The following FBXW4 variants were observed in gnomAD, a reference collection of about 807,000 sequenced individuals.
The protein encoded by FBXW4 is F-box/WD repeat-containing protein 4.
In FBXW4, 40 loss-of-function variants were observed where a neutral mutation model predicts 61.8. The observed-to-expected ratio is 0.65, with a 90% CI of 0.50 to 0.84. The LOEUF (loss-of-function observed/expected upper bound fraction) is 0.84. FBXW4 is among the 40% of genes least tolerant of loss of function. FBXW4 has a pLI of 0.00. For synonymous variants in FBXW4, 311 were observed against 313.8 expected (o/e 0.99, Z 0.10); for missense variants, 672 against 753.8 (o/e 0.89, Z 1.27).
intron 5 of FBXW4, among the ~76,000 whole-genome samples, chr10:101,654,656 T>C (rs2064171444): frequency 6.6e-6 from 1 of 152,216 alleles, no homozygotes; most frequent in Non-Finnish European, 1.5e-5. Flanking sequence ...AAATAAACTG[T>C]CATACTATTT....
intron 5 of FBXW4, among the ~76,000 whole-genome samples, chr10:101,645,466 G>A (rs565434326): frequency 5.9e-5 from 9 of 152,270 alleles, no homozygotes; most frequent in Admixed American, 1.3e-4. Context: ...CCCTCTCCCC[G>A]TCACCTTTTC....
intron 5 of FBXW4, among the ~76,000 whole-genome samples, chr10:101,638,966 T>A (rs1256359130): frequency 1.3e-5 from 2 of 152,186 alleles, no homozygotes; most frequent in African/African-American, 4.8e-5. Flanking sequence ...AGAAGTAGGA[T>A]CCATGACAAT....
chr10:101,671,439 A>G (rs941999373), intron 4 of FBXW4, among the ~76,000 whole-genome samples: 1 of 152,270 alleles, frequency 6.6e-6, no homozygotes, highest in African/African-American at 2.4e-5. Flanking sequence ...GTACTTAAAC[A>G]TGAAATTAAC....
intron 5 of FBXW4, among the ~76,000 whole-genome samples, chr10:101,640,928 T>G (rs1440853506): frequency 6.6e-6 from 1 of 151,962 alleles, no homozygotes; most frequent in Non-Finnish European, 1.5e-5. Context: ...CCTCCCAGGT[T>G]CAAGCAATTC....
At position 101,611,271 on chromosome 10, in the gene FBXW4, G is replaced by A. The variant is rs2063779257; in HGVS notation, c.*20C>T. ...GAGTAGCTGGTTTCCCTGGCCCAGA[G>A]GCAGGGGTGGCCCTGACGGTCATGG... On this transcript the variant is annotated 3_prime_UTR_variant, in exon 9 of 9. Coordinates refer to ENST00000331272, the MANE Select transcript of FBXW4 (RefSeq NM_022039.4). The surrounding 1 kb of genome is among the most constrained non-coding windows in gnomAD (Gnocchi z 4.9). 1 of 1,610,688 alleles carries A rather than the reference G, an allele frequency of 6.2e-7. No individual in the cohort carries two copies. Among genetic ancestry groups the A allele is most frequent in the African/African-American group, 1.3e-5 (1 of 74,886 alleles).
chr10:101,665,385 C>T (rs1295365137), intron 5 of FBXW4, among the ~76,000 whole-genome samples: 1 of 152,104 alleles, frequency 6.6e-6, no homozygotes, highest in African/African-American at 2.4e-5. Context: ...GGGAAGATGG[C>T]TTGAGCCCAG....
chr10:101,647,342 G>A (rs925925652), intron 5 of FBXW4, among the ~76,000 whole-genome samples: 3 of 152,192 alleles, frequency 2.0e-5, no homozygotes, highest in Non-Finnish European at 4.4e-5. Context: ...TACCACCTTA[G>A]AGAGATGAGG....
intron 5 of FBXW4, among the ~76,000 whole-genome samples, chr10:101,663,978 T>G (rs887505302): frequency 3.3e-5 from 5 of 152,238 alleles, no homozygotes; most frequent in South Asian, 4.1e-4. Context: ...AAAAGGTCCT[T>G]GCCTGCCACT....
chr10:101,666,456 A>C (rs2064301187), intron 5 of FBXW4, among the ~76,000 whole-genome samples: 2 of 152,156 alleles, frequency 1.3e-5, no homozygotes, highest in African/African-American at 4.8e-5. Context: ...GGAAGGGAGT[A>C]GGAGGAGGGG....
At chr10:101,651,851 G>A (rs551066516) in intron 5 of FBXW4, among the ~76,000 whole-genome samples, 53 of 152,138 alleles carry the variant, frequency 3.5e-4, no homozygotes, top group African/African-American at 1.3e-3. Flanking sequence ...AAATCGGCTG[G>A]CCCATTGTCT....
chr10:101,624,863 G>A (rs1043324677), intron 5 of FBXW4, 53 bp from the exon 6 acceptor site: 5 of 1,584,430 alleles, frequency 3.2e-6, no homozygotes, highest in African/African-American at 2.7e-5. Context: ...AACCTGTGGT[G>A]GAAATGGCTA....
At chr10:101,623,864 T>C (rs771730611) in intron 6 of FBXW4, among the ~76,000 whole-genome samples, 3 of 152,066 alleles carry the variant, frequency 2.0e-5, no homozygotes, top group Non-Finnish European at 2.9e-5. Context: ...TTATGTAACA[T>C]TTGCAAAATG....
At chr10:101,612,527 A>C in intron 6 of FBXW4, 50 bp from the exon 7 acceptor site, 1 of 1,461,406 alleles carries the variant, frequency 6.8e-7, no homozygotes, top group Non-Finnish European at 9.1e-7. Context: ...GGTCATACAC[A>C]TTCGTTCCAC....
At chr10:101,647,480 T>G (rs2064110665) in intron 5 of FBXW4, among the ~76,000 whole-genome samples, 1 of 152,196 alleles carries the variant, frequency 6.6e-6, no homozygotes, top group Non-Finnish European at 1.5e-5. Context: ...ACCTCAAGTG[T>G]AGTTCCACCC....
At chr10:101,667,230 CAAAA>C in intron 5 of FBXW4, among the ~76,000 whole-genome samples, 1 of 54,464 alleles carries the variant, frequency 1.8e-5, no homozygotes, top group South Asian at 5.8e-4. Flanking sequence ...GACTCCGTCT[CAAAA>C]AAAAAAAAAA....
chr10:101,631,048 A>AT (rs1164072203), intron 5 of FBXW4, among the ~76,000 whole-genome samples: 1 of 152,250 alleles, frequency 6.6e-6, no homozygotes, highest in East Asian at 1.9e-4. Context: ...GCAGGGGAAG[A>AT]TAAACACAAC....
chr10:101,640,484 C>CTTTTTTTTTTTTTT (rs386372272), intron 5 of FBXW4, among the ~76,000 whole-genome samples: 7 of 83,872 alleles, frequency 8.3e-5, no homozygotes, highest in Admixed American at 1.8e-4. Context: ...CTTTCTTTCT[C>CTTTTTTTTTTTTTT]TTTTTTTTTT....
intron 1 of FBXW4, among the ~76,000 whole-genome samples, chr10:101,678,325 T>C (rs1176656404): frequency 6.6e-6 from 1 of 152,226 alleles, no homozygotes; most frequent in Non-Finnish European, 1.5e-5. Flanking sequence ...CTCCTTAGCT[T>C]GCTCCACTGC....
chr10:101,681,757 T>TAATAATAAC (rs796447684), intron 1 of FBXW4, among the ~76,000 whole-genome samples: 23 of 145,712 alleles, frequency 1.6e-4, no homozygotes, highest in South Asian at 4.3e-4. Context: ...ATAATAATAA[T>TAATAATAAC]AACAGGTCTA....
Sources: allele counts gnomAD v4.1 joint callset (sites outside exome capture counted in the v4.1 genomes callset), GRCh38; gene constraint gnomAD v4.1.1; non-coding constraint Gnocchi (gnomAD v3.1); transcripts MANE v1.5; gene names NCBI Gene and HGNC (gene_info 2026-07-23, HGNC 2026-07-21).